PPARG: variants seen among roughly 807,000 people sequenced by gnomAD.
The protein encoded by PPARG is peroxisome proliferator activated receptor gamma, also known as peroxisome proliferator-activated receptor gamma.
Under a neutral mutation model 39.2 loss-of-function variants are expected in PPARG, and 17 were observed. That is an observed-to-expected ratio of 0.43 (90% CI 0.30 to 0.65). The LOEUF is 0.65. Among genes scored for constraint, PPARG ranks in the 30% least tolerant of loss-of-function variants. The pLI is 0.13. For missense variants in PPARG, 406 were observed against 585.9 expected (o/e 0.69, Z 3.17); for synonymous variants, 223 against 215.7 (o/e 1.03, Z -0.30).
chr3:12,307,871 C>T lies in PPARG; in HGVS notation c.-82-4509C>T, dbSNP rs533533655. Among the ~76,000 whole-genome samples, 4 of 152,190 alleles carry T rather than the reference C, an allele frequency of 2.6e-5. No homozygotes were observed. The South Asian group carries it at 8.3e-4, about 32-fold the overall frequency. ...TCCAATTAGGTGTTGAATTGTTCTT[C>T]CTTGGAACTCTCAAGAGAGGAGTTG... On this transcript the variant is annotated intron_variant, in intron 1 of 7. Coordinates refer to ENST00000651735, the MANE Select transcript of PPARG (RefSeq NM_138711.6).
intron 6 of PPARG, among the ~76,000 whole-genome samples, chr3:12,415,689 T>C (rs1233909616): frequency 6.6e-6 from 1 of 152,240 alleles, no homozygotes; most frequent in Non-Finnish European, 1.5e-5. Context: ...AAAATTGCTT[T>C]TTTGCAGCAT....
intron 1 of PPARG, among the ~76,000 whole-genome samples, chr3:12,300,986 CTT>C (rs2124952704): frequency 6.6e-6 from 1 of 152,282 alleles, no homozygotes; most frequent in South Asian, 2.1e-4. Flanking sequence ...TCTCCACAAT[CTT>C]AGGGAATTTC....
intron 2 of PPARG, among the ~76,000 whole-genome samples, chr3:12,365,083 A>G (rs2048971804): frequency 6.6e-6 from 1 of 152,140 alleles, no homozygotes; most frequent in South Asian, 2.1e-4. Context: ...TCTCATACGG[A>G]GTGTGCAACC....
At chr3:12,308,761 G>A (rs2047147350) in intron 1 of PPARG, among the ~76,000 whole-genome samples, 1 of 152,108 alleles carries the variant, frequency 6.6e-6, no homozygotes, top group African/African-American at 2.4e-5. Context: ...TCTCTGCAAA[G>A]AGAGCCAGTT....
At chr3:12,327,321 A>G (rs2125038473) in intron 2 of PPARG, among the ~76,000 whole-genome samples, 1 of 152,324 alleles carries the variant, frequency 6.6e-6, no homozygotes, top group East Asian at 1.9e-4. Flanking sequence ...GTCTAAGTGG[A>G]ACTTTGGCAA....
At chr3:12,366,510 T>G (rs1171866458) in intron 2 of PPARG, among the ~76,000 whole-genome samples, 1 of 152,146 alleles carries the variant, frequency 6.6e-6, no homozygotes, top group African/African-American at 2.4e-5. Context: ...AAGATATCCT[T>G]GCCTTATTCC....
rs559693935 is a variant in PPARG, at chr3:12,298,095, C to T, written c.-83+8961C>T. Among the ~76,000 whole-genome samples, 5 of 150,744 alleles carry T rather than the reference C, an allele frequency of 3.3e-5. No individual in the cohort carries two copies. In the South Asian group the frequency reaches 1.1e-3, roughly 32 times the overall value. ...CGGGCGGATCACGAGGTCAGGAGAT[C>T]GAGACCATCCCGGCTAAAACGGTGA... On this transcript the variant is annotated intron_variant, in intron 1 of 7. Coordinates refer to ENST00000651735, the MANE Select transcript of PPARG (RefSeq NM_138711.6).
chr3:12,365,289 C>T (rs1254328915), intron 2 of PPARG, among the ~76,000 whole-genome samples: 1 of 152,174 alleles, frequency 6.6e-6, no homozygotes, highest in Non-Finnish European at 1.5e-5. Context: ...CCTGCTTTAT[C>T]AGATGTGTTT....
intron 4 of PPARG, 46 bp downstream of exon 4, chr3:12,381,537 T>TA: frequency 6.3e-7 from 1 of 1,588,646 alleles, no homozygotes; most frequent in Non-Finnish European, 8.6e-7. Flanking sequence ...AACTTTATTA[T>TA]TTCATTTCAG....
chr3:12,412,181 G>C (rs1160461057), intron 6 of PPARG, among the ~76,000 whole-genome samples: 1 of 152,068 alleles, frequency 6.6e-6, no homozygotes, highest in African/African-American at 2.4e-5. Flanking sequence ...TGTAAACTTA[G>C]GGCATTCATG....
intron 7 of PPARG, among the ~76,000 whole-genome samples, chr3:12,426,274 C>G (rs535602799): frequency 2.0e-5 from 3 of 152,164 alleles, no homozygotes; most frequent in Non-Finnish European, 4.4e-5. Context: ...CACTTCAGAG[C>G]GAAGGCTCTA....
Position 12,367,406 on chromosome 3 carries a change from A to G in PPARG, c.-8-12298A>G, listed in dbSNP as rs4135255. ...GAACCAAGCTTGAGCTAGTTTGACCATAATGAATTTTTGCTGAGGAAGCAG... is the reference window on the plus strand; with the variant it reads ...GAACCAAGCTTGAGCTAGTTTGACCGTAATGAATTTTTGCTGAGGAAGCAG... On this transcript the variant is annotated intron_variant, in intron 2 of 7. Transcript: ENST00000651735. Among the ~76,000 whole-genome samples, 974 of 152,320 alleles carry G rather than the reference A, an allele frequency of 6.4e-3. 5 individuals carry two copies. Among genetic ancestry groups the G allele is most frequent in the Non-Finnish European group, 0.01 (696 of 68,032 alleles).
intron 2 of PPARG, among the ~76,000 whole-genome samples, chr3:12,375,673 G>T (rs113349134): frequency 3.3e-5 from 5 of 152,158 alleles, no homozygotes; most frequent in Admixed American, 3.3e-4. Flanking sequence ...AGGTTTGGAC[G>T]AATTTTGAAA....
At chr3:12,430,502 T>C (rs962629814) in intron 7 of PPARG, among the ~76,000 whole-genome samples, 2 of 152,244 alleles carry the variant, frequency 1.3e-5, no homozygotes, top group African/African-American at 4.8e-5. Context: ...AAGTGGTCTA[T>C]CTTGGTAAGA....
chr3:12,431,211 A>G (rs996420115), intron 7 of PPARG, among the ~76,000 whole-genome samples: 13 of 152,214 alleles, frequency 8.5e-5, no homozygotes, highest in African/African-American at 2.9e-4. Context: ...GAGATTAGAA[A>G]ACAAAAACTG....
In PPARG at chr3:12,424,471, G is replaced by C. The variant is rs77150191; in HGVS notation, c.1180+7317G>C. On this transcript the variant is annotated intron_variant, in intron 7 of 7. Transcript: ENST00000651735. ...TCCCCACACCAGCAGTCCTGGAAGA[G>C]GCTCAGTCGATCAGTCAGTGGGCTG... 6.8e-4 allele frequency among the ~76,000 whole-genome samples: 104 copies of C among 152,270 alleles called. 3 individuals are homozygous for C. In the East Asian group the frequency reaches 0.017, roughly 25 times the overall value.
intron 1 of PPARG, among the ~76,000 whole-genome samples, chr3:12,305,451 A>G (rs1020572169): frequency 6.6e-6 from 1 of 152,190 alleles, no homozygotes; most frequent in African/African-American, 2.4e-5. Context: ...TGACTCATAA[A>G]TTTTTGTAAG....
intron 2 of PPARG, among the ~76,000 whole-genome samples, chr3:12,333,792 A>C (rs2047930881): frequency 6.6e-6 from 1 of 152,112 alleles, no homozygotes; most frequent in South Asian, 2.1e-4. Context: ...TTAGTGACTG[A>C]GGTTCTGTTG....
intron 5 of PPARG, among the ~76,000 whole-genome samples, chr3:12,405,276 A>G (rs1559527452): frequency 6.6e-6 from 1 of 152,200 alleles, no homozygotes; most frequent in Non-Finnish European, 1.5e-5. Context: ...AAACATCATT[A>G]AGTGGTAACT....
Sources: gnomAD v4.1 joint callset for allele counts (sites outside exome capture counted in the v4.1 genomes callset) on GRCh38, gnomAD v4.1.1 for gene constraint, MANE v1.5 for transcripts, NCBI Gene and HGNC (gene_info 2026-07-23, HGNC 2026-07-21) for gene names.